The following SCLT1 variants were observed in gnomAD, a reference collection of about 807,000 sequenced individuals.
The protein encoded by SCLT1 is sodium channel-associated protein 1.
A neutral mutation model predicts 112.8 loss-of-function variants in SCLT1; 78 were observed. The observed-to-expected ratio is 0.69, with a 90% CI of 0.58 to 0.83. The LOEUF is 0.83. SCLT1 is among the 40% of genes least tolerant of loss of function. The probability of loss-of-function intolerance (pLI) is 0.00; values close to 1 mark genes in which losing one functional copy is unlikely to be tolerated. For missense variants in SCLT1, 747 were observed against 770.4 expected (o/e 0.97, Z 0.36); for synonymous variants, 257 against 254.7 (o/e 1.01, Z -0.09).
intron 5 of SCLT1, among the ~76,000 whole-genome samples, chr4:129,024,359 G>A (rs1271411836): frequency 2.0e-5 from 3 of 152,286 alleles, no homozygotes; most frequent in Non-Finnish European, 2.9e-5. Context: ...AACTTCCAGA[G>A]GAACGATCAG....
At position 128,928,178 on chromosome 4, in the gene SCLT1, G is replaced by T. The variant is rs943447882; in HGVS notation, c.1829+8477C>A. On this transcript the variant is annotated intron_variant, in intron 18 of 20. Transcript: ENST00000281142. ...AATTCCAGGCCAAGAGATTTCACTG[G>T]AGAATTCTATCAAATATTCAAGGAA... 2.6e-5 allele frequency among the ~76,000 whole-genome samples: 4 copies of T among 151,702 alleles called. No individual in the cohort carries two copies. In the East Asian group the frequency reaches 7.7e-4, roughly 29 times the overall value.
chr4:128,979,815 A>T (rs984031107), intron 9 of SCLT1, among the ~76,000 whole-genome samples: 4 of 152,174 alleles, frequency 2.6e-5, no homozygotes, highest in African/African-American at 4.8e-5. Context: ...CAATGATGTT[A>T]TGTATTTGTT....
At chr4:129,086,937 T>C (rs1854773) in intron 1 of SCLT1, among the ~76,000 whole-genome samples, 110,101 of 152,054 alleles carry the variant, frequency 0.72, 41,815 homozygotes, top group South Asian at 0.9. Context: ...CTGACACACA[T>C]GAAAAAGCAA....
At chr4:129,007,192 T>C (rs1744105416) in intron 5 of SCLT1, among the ~76,000 whole-genome samples, 1 of 152,190 alleles carries the variant, frequency 6.6e-6, no homozygotes, top group South Asian at 2.1e-4. Flanking sequence ...CTATCACGTG[T>C]ACTTAGAGAA....
chr4:129,024,261 C>A (rs1367167026), intron 5 of SCLT1, among the ~76,000 whole-genome samples: 2 of 152,166 alleles, frequency 1.3e-5, no homozygotes, highest in African/African-American at 4.8e-5. Context: ...TGACCCCTGA[C>A]CCCTGACCCC....
intron 18 of SCLT1, among the ~76,000 whole-genome samples, chr4:128,933,888 C>G (rs1736977093): frequency 6.6e-6 from 1 of 151,976 alleles, no homozygotes; most frequent in African/African-American, 2.4e-5. Context: ...AACAATATGA[C>G]TACTAGAAAC....
intron 2 of SCLT1, among the ~76,000 whole-genome samples, chr4:129,054,249 G>A (rs986522086): frequency 2.0e-5 from 3 of 152,134 alleles, no homozygotes; most frequent in Non-Finnish European, 4.4e-5. Context: ...TTCTCGAGGA[G>A]TATCTTTGTG....
intron 1 of SCLT1, among the ~76,000 whole-genome samples, chr4:129,089,868 TG>T (rs1431049220): frequency 1.3e-5 from 1 of 79,612 alleles, no homozygotes; most frequent in South Asian, 5.0e-4. Context: ...TGTTGGGGAG[TG>T]GGGGACTAAG....
At position 129,058,870 on chromosome 4, in the gene SCLT1, T is replaced by A. The variant is rs575801996; in HGVS notation, c.103-14819A>T. Among the ~76,000 whole-genome samples, 17 of 152,270 alleles carry A rather than the reference T, an allele frequency of 1.1e-4. No individual in the cohort carries two copies. In the East Asian group the frequency reaches 2.7e-3, roughly 24 times the overall value. Reference sequence around the variant, plus strand: ...AGATAAAATATTTATAATTGTTATATTTATTCTTGATCACAGGACTCCCTT... The same window carrying A: ...AGATAAAATATTTATAATTGTTATAATTATTCTTGATCACAGGACTCCCTT... On this transcript the variant is annotated intron_variant, in intron 2 of 20. Transcript: ENST00000281142.
chr4:128,996,924 A>T (rs181248724), intron 8 of SCLT1, among the ~76,000 whole-genome samples: 2 of 152,178 alleles, frequency 1.3e-5, no homozygotes, highest in African/African-American at 4.8e-5. Context: ...TCTAGGAGAC[A>T]TATTGAAGAA....
At chr4:128,895,545 C>A (rs898782447) in intron 18 of SCLT1, among the ~76,000 whole-genome samples, 5 of 152,094 alleles carry the variant, frequency 3.3e-5, no homozygotes, top group Admixed American at 1.3e-4. Flanking sequence ...AAGACTGCAC[C>A]CTTGGTGGGG....
At chr4:128,910,536 C>G (rs569635694) in intron 18 of SCLT1, among the ~76,000 whole-genome samples, 1 of 152,188 alleles carries the variant, frequency 6.6e-6, no homozygotes, top group East Asian at 1.9e-4. Context: ...TGTCATTTAT[C>G]TTTGTTTAGT....
chr4:129,007,773 CTA>C (rs960703862), intron 5 of SCLT1, among the ~76,000 whole-genome samples: 1 of 152,028 alleles, frequency 6.6e-6, no homozygotes, highest in Non-Finnish European at 1.5e-5. Context: ...TTAGTATTTC[CTA>C]TATGTCTTGA....
intron 2 of SCLT1, among the ~76,000 whole-genome samples, chr4:129,074,167 T>C (rs1028171748): frequency 6.6e-6 from 1 of 152,210 alleles, no homozygotes; most frequent in Admixed American, 6.5e-5. Flanking sequence ...CATTCCATAT[T>C]TTTATTAGCC....
intron 2 of SCLT1, among the ~76,000 whole-genome samples, chr4:129,062,000 T>C (rs902018387): frequency 4.6e-5 from 7 of 151,226 alleles, no homozygotes; most frequent in Admixed American, 2.6e-4. Context: ...GCGAGGTCTG[T>C]AGGAGTTAAT....
At chr4:129,029,641 A>G (rs949582450) in intron 5 of SCLT1, among the ~76,000 whole-genome samples, 8 of 152,012 alleles carry the variant, frequency 5.3e-5, no homozygotes, top group African/African-American at 1.9e-4. Flanking sequence ...ACCAATCTGC[A>G]CATTGTGCAC....
intron 2 of SCLT1, among the ~76,000 whole-genome samples, chr4:129,078,780 C>T (rs1751681558): frequency 6.6e-6 from 1 of 152,112 alleles, no homozygotes; most frequent in African/African-American, 2.4e-5. Flanking sequence ...AATTTTAGTT[C>T]TGCATTAGTC....
intron 18 of SCLT1, among the ~76,000 whole-genome samples, chr4:128,912,678 C>T (rs528387137): frequency 6.6e-6 from 1 of 152,150 alleles, no homozygotes. Flanking sequence ...TTCTCTCCTA[C>T]TCTTCCTCCT....
chr4:128,942,360 A>G (rs1438588180), intron 17 of SCLT1, among the ~76,000 whole-genome samples: 1 of 152,122 alleles, frequency 6.6e-6, no homozygotes, highest in Non-Finnish European at 1.5e-5. Context: ...TTTATCATAA[A>G]AAGTTAGTGC....
Sources: allele counts gnomAD v4.1 joint callset (sites outside exome capture counted in the v4.1 genomes callset), GRCh38; gene constraint gnomAD v4.1.1; transcripts MANE v1.5; gene names NCBI Gene and HGNC (gene_info 2026-07-23, HGNC 2026-07-21).